Variants in STK32B observed in about 807,000 individuals in gnomAD.
STK32B encodes the protein serine/threonine-protein kinase 32B.
Under a neutral mutation model 52.6 loss-of-function variants are expected in STK32B, and 43 were observed. That is an observed-to-expected ratio of 0.82 (90% confidence interval 0.64 to 1.05). The LOEUF (loss-of-function observed/expected upper bound fraction) is 1.05. Among genes scored for constraint, STK32B ranks in the 50% least tolerant of loss-of-function variants. The pLI is 0.00. For synonymous variants in STK32B, 238 were observed against 204.3 expected, an observed-to-expected ratio of 1.17 and a Z score of -1.41; for missense variants, 621 against 534.6, an observed-to-expected ratio of 1.16 and a Z score of -1.59.
At chr4:5,183,092 AT>A (rs1378080828) in intron 3 of STK32B, among the ~76,000 whole-genome samples, 1 of 152,154 alleles carries the variant, frequency 6.6e-6, no homozygotes, top group Non-Finnish European at 1.5e-5. Flanking sequence ...GGACCCTGGG[AT>A]TTTTTGAATG....
chr4:5,494,127 G>T lies in STK32B; in HGVS notation c.1107-4818G>T, dbSNP rs530140670. On this transcript the variant is annotated intron_variant, in intron 11 of 11. Coordinates refer to ENST00000282908, the MANE Select transcript of STK32B (RefSeq NM_018401.3). ...GTGCAGAGCTGAGTTCAATTCCTGG[G>T]TATCTTTGTTAACTTTCTGTCTCGT... Among the ~76,000 whole-genome samples, 9 of 152,158 alleles carry T rather than the reference G, an allele frequency of 5.9e-5. No homozygotes were observed. In the East Asian group the frequency reaches 1.7e-3, roughly 29 times the overall value.
At chr4:5,038,445 T>G in the STK32B span, among the ~76,000 whole-genome samples, 3,707 of 152,256 alleles carry the variant, frequency 0.024, 145 homozygotes, top group African/African-American at 0.084. Context: ...GCTGCACAAA[T>G]CATAGAGAAT....
intron 1 of STK32B, among the ~76,000 whole-genome samples, chr4:5,089,433 G>A (rs564256539): frequency 6.6e-6 from 1 of 152,128 alleles, no homozygotes; most frequent in African/African-American, 2.4e-5. Context: ...GAGATTATGC[G>A]GTGTTTGATT....
Position 5,394,479 on chromosome 4 carries a change from A to G in STK32B, c.435-3728A>G, listed in dbSNP as rs1182705392. 1.3e-5 allele frequency among the ~76,000 whole-genome samples: 2 copies of G among 152,192 alleles called. No individual in the cohort carries two copies. The highest frequency in any genetic ancestry group is 2.9e-5 in the Non-Finnish European group (2 of 68,032). On this transcript the variant is annotated intron_variant, in intron 4 of 11. Transcript: ENST00000282908. This position sits in a 1 kb window ranked among gnomAD's most constrained non-coding sequence, Gnocchi z 4.2. The stretch of plus-strand genomic sequence containing the variant: ...CTCTGCTAAGATGCTTTACCCATAA[A>G]ATGCTATTCTTATTAAATCCCAAGT...
At chr4:5,052,877 A>G (rs1279960285) in intron 1 of STK32B, among the ~76,000 whole-genome samples, 4 of 152,184 alleles carry the variant, frequency 2.6e-5, no homozygotes, top group African/African-American at 9.7e-5. Context: ...TGTTCCAGCC[A>G]TGCTAGCACA....
rs775761637 is a variant in STK32B, at chr4:5,460,549, G to A, written c.909+321G>A. On this transcript the variant is annotated intron_variant, in intron 9 of 11. Coordinates refer to ENST00000282908, the MANE Select transcript of STK32B (RefSeq NM_018401.3). The surrounding 1 kb of genome is among the most constrained non-coding windows in gnomAD (Gnocchi z 4.8). The stretch of plus-strand genomic sequence containing the variant: ...TTCTGCCTCCACAGAGCTGACTGCC[G>A]AGTAGAGGAAGACAGGCAATGACCT... 9.2e-5 allele frequency among the ~76,000 whole-genome samples: 14 copies of A among 152,310 alleles called. No homozygotes were observed. Among genetic ancestry groups the A allele is most frequent in the East Asian group, 1.9e-4 (1 of 5,184 alleles).
chr4:5,321,826 G>A (rs1334506695), intron 3 of STK32B, among the ~76,000 whole-genome samples: 1 of 152,096 alleles, frequency 6.6e-6, no homozygotes, highest in Admixed American at 6.6e-5. Context: ...CCTCTGCCTG[G>A]AGGTGCTGGA....
At chr4:5,155,314 G>A (rs1467506912) in intron 2 of STK32B, among the ~76,000 whole-genome samples, 1 of 152,062 alleles carries the variant, frequency 6.6e-6, no homozygotes. Context: ...TCTATTATGT[G>A]TTTATTCAGA....
At chr4:5,020,876 A>C in the STK32B span, among the ~76,000 whole-genome samples, 1 of 152,194 alleles carries the variant, frequency 6.6e-6, no homozygotes, top group Admixed American at 6.5e-5. Flanking sequence ...CAGGCGAGGA[A>C]ACTGAGGGCC....
chr4:5,045,539 C>A, the STK32B span, among the ~76,000 whole-genome samples: 2 of 152,122 alleles, frequency 1.3e-5, no homozygotes, highest in Non-Finnish European at 2.9e-5. Flanking sequence ...TTCTTCCTAT[C>A]CATGATGATG....
At chr4:5,200,305 G>T (rs1369866427) in intron 3 of STK32B, among the ~76,000 whole-genome samples, 1 of 147,416 alleles carries the variant, frequency 6.8e-6, no homozygotes, top group Non-Finnish European at 1.5e-5. Context: ...ATAATTCCTT[G>T]GTCCAAAATC....
At chr4:5,072,395 C>T (rs1711837254) in intron 1 of STK32B, among the ~76,000 whole-genome samples, 1 of 152,144 alleles carries the variant, frequency 6.6e-6, no homozygotes, top group Admixed American at 6.6e-5. Context: ...AGATTACATT[C>T]CTTCAATTGC....
At chr4:5,310,676 A>G (rs1472713068) in intron 3 of STK32B, among the ~76,000 whole-genome samples, 1 of 152,160 alleles carries the variant, frequency 6.6e-6, no homozygotes, top group Non-Finnish European at 1.5e-5. Context: ...CTACCCAACA[A>G]TCCCACTACT....
rs1719882777 is a variant in STK32B at position 5,493,049 on chromosome 4, T to C, written c.1107-5896T>C. On this transcript the variant is annotated intron_variant, in intron 11 of 11. Coordinates refer to ENST00000282908, the MANE Select transcript of STK32B (RefSeq NM_018401.3). Reference sequence around the variant, plus strand: ...ATTGGTCTAAAATTCTCTTTTATGGTTGTGTCTCTGCCTGGCTTTGGTATC... The same window carrying C: ...ATTGGTCTAAAATTCTCTTTTATGGCTGTGTCTCTGCCTGGCTTTGGTATC... Among the ~76,000 whole-genome samples, 3 of 151,412 alleles carry C rather than the reference T, an allele frequency of 2.0e-5. No individual in the cohort carries two copies. The South Asian group carries it at 6.2e-4, about 31-fold the overall frequency.
At chr4:5,275,075 C>T (rs1031294161) in intron 3 of STK32B, among the ~76,000 whole-genome samples, 2 of 152,274 alleles carry the variant, frequency 1.3e-5, no homozygotes, top group Admixed American at 6.5e-5. Context: ...CCTTGGAATC[C>T]GTGAGGCCAA....
chr4:5,034,275 A>T, the STK32B span, among the ~76,000 whole-genome samples: 13 of 152,194 alleles, frequency 8.5e-5, no homozygotes, highest in Admixed American at 4.6e-4. Context: ...CAGAAAATGT[A>T]TGGAAACTAA....
Position 5,144,447 on chromosome 4 carries a change from T to C in STK32B, c.108+4487T>C, listed in dbSNP as rs547815142. Among the ~76,000 whole-genome samples, 8 of 152,288 alleles carry C rather than the reference T, an allele frequency of 5.3e-5. No homozygotes were observed. In the South Asian group the frequency reaches 1.7e-3, roughly 32 times the overall value. ...GGGAGACTTTAACTGAATGTGCTTT[T>C]TGGCAGTTTGTGGCGTGAAGATTTC... On this transcript the variant is annotated intron_variant, in intron 2 of 11. Transcript: ENST00000282908.
intron 3 of STK32B, among the ~76,000 whole-genome samples, chr4:5,173,178 G>T (rs1259818905): frequency 6.6e-6 from 1 of 152,078 alleles, no homozygotes; most frequent in Non-Finnish European, 1.5e-5. Flanking sequence ...TTTTTATTGT[G>T]TCTATTGGAT....
intron 4 of STK32B, among the ~76,000 whole-genome samples, chr4:5,376,885 C>A (rs774663996): frequency 1.4e-4 from 22 of 152,186 alleles, no homozygotes; most frequent in Non-Finnish European, 2.6e-4. Flanking sequence ...CAGCCTCCAC[C>A]TCTGCCATAC....
Sources: allele counts gnomAD v4.1 joint callset (sites outside exome capture counted in the v4.1 genomes callset), GRCh38; gene constraint gnomAD v4.1.1; non-coding constraint Gnocchi (gnomAD v3.1); transcripts MANE v1.5; gene names NCBI Gene and HGNC (gene_info 2026-07-23, HGNC 2026-07-21).